The following DSCAM variants were observed in gnomAD, a reference collection of about 807,000 sequenced individuals.
DSCAM encodes cell adhesion molecule DSCAM.
Under a neutral mutation model 217.7 loss-of-function variants are expected in DSCAM, and 47 were observed. That is an observed-to-expected ratio of 0.22 (90% CI 0.17 to 0.28). DSCAM has a LOEUF of 0.28. DSCAM is among the 10% of genes least tolerant of loss of function. DSCAM has a pLI of 1.00. For synonymous variants in DSCAM, 1,056 were observed against 1,015.3 expected (o/e 1.04, Z -0.76); for missense variants, 2,080 against 2,618.3 (o/e 0.79, Z 4.49).
intron 1 of DSCAM, among the ~76,000 whole-genome samples, chr21:40,757,116 C>T (rs897165452): frequency 2.0e-5 from 3 of 152,192 alleles, no homozygotes; most frequent in Admixed American, 6.5e-5. Flanking sequence ...GCTCCACCTC[C>T]GGGGTTCACA....
chr21:40,518,563 CACAT>C (rs1368114189), intron 3 of DSCAM, among the ~76,000 whole-genome samples: 1 of 79,000 alleles, frequency 1.3e-5, no homozygotes, highest in Non-Finnish European at 2.1e-5. Flanking sequence ...TATACACACA[CACAT>C]ATATACATAC....
chr21:40,058,606 C>T (rs186229485), intron 28 of DSCAM, among the ~76,000 whole-genome samples: 3 of 152,182 alleles, frequency 2.0e-5, no homozygotes, highest in African/African-American at 7.2e-5. Context: ...GTGAGATGTC[C>T]CCAAGACTTT....
At chr21:40,163,333 ATTCT>A (rs1327192804) in intron 16 of DSCAM, among the ~76,000 whole-genome samples, 2 of 152,224 alleles carry the variant, frequency 1.3e-5, no homozygotes, top group African/African-American at 4.8e-5. Flanking sequence ...AGCTTTAAAT[ATTCT>A]TTCTGATTTT....
At chr21:40,622,621 G>A (rs762582855) in intron 3 of DSCAM, among the ~76,000 whole-genome samples, 1 of 152,096 alleles carries the variant, frequency 6.6e-6, no homozygotes, top group East Asian at 1.9e-4. Context: ...ATGTTCATTT[G>A]TACATCTGCA....
chr21:40,692,162 T>C (rs8132311), intron 3 of DSCAM, among the ~76,000 whole-genome samples: 60,125 of 152,162 alleles, frequency 0.4, 13,765 homozygotes, highest in African/African-American at 0.64. Flanking sequence ...AGGAGCACCA[T>C]GCATCACGCG....
At chr21:40,121,595 G>C (rs1323431856) in intron 20 of DSCAM, among the ~76,000 whole-genome samples, 1 of 150,714 alleles carries the variant, frequency 6.6e-6, no homozygotes, top group African/African-American at 2.4e-5. Flanking sequence ...TTTTTAATAT[G>C]GTCAAAAGGC....
At chr21:40,502,424 T>C (rs1208399275) in intron 3 of DSCAM, among the ~76,000 whole-genome samples, 1 of 152,148 alleles carries the variant, frequency 6.6e-6, no homozygotes, top group Non-Finnish European at 1.5e-5. Flanking sequence ...AATACCAAGG[T>C]ATTATCTATA....
chr21:40,752,194 T>C (rs1481011395), intron 1 of DSCAM, among the ~76,000 whole-genome samples: 1 of 152,218 alleles, frequency 6.6e-6, no homozygotes, highest in African/African-American at 2.4e-5. Context: ...AAGCTTTGTA[T>C]CCAGAAAGGA....
intron 15 of DSCAM, among the ~76,000 whole-genome samples, chr21:40,177,094 A>G (rs1336863899): frequency 6.6e-6 from 1 of 152,232 alleles, no homozygotes; most frequent in Non-Finnish European, 1.5e-5. Flanking sequence ...CAGAGATGAC[A>G]TTTTGGGCTG....
intron 3 of DSCAM, among the ~76,000 whole-genome samples, chr21:40,664,533 A>G (rs931591158): frequency 1.3e-5 from 2 of 152,228 alleles, no homozygotes; most frequent in Non-Finnish European, 2.9e-5. Context: ...CAACAAGGAA[A>G]GTCAGCTGTG....
intron 11 of DSCAM, among the ~76,000 whole-genome samples, chr21:40,214,735 C>CAAAAAAAAAAAAAAAAACAAAAAAAAA (rs2091224904): frequency 1.5e-5 from 1 of 67,860 alleles, no homozygotes; most frequent in Non-Finnish European, 3.8e-5. Flanking sequence ...GCAACAACAG[C>CAAAAAAAAAAAAAAAAACAAAAAAAAA]AAAAAAAAAA....
intron 11 of DSCAM, among the ~76,000 whole-genome samples, chr21:40,212,116 T>G (rs1005060025): frequency 1.3e-5 from 2 of 151,980 alleles, no homozygotes; most frequent in Non-Finnish European, 2.9e-5. Context: ...ATTATAGGCG[T>G]GCACCACCAC....
At chr21:40,653,943 A>T (rs1443117396) in intron 3 of DSCAM, among the ~76,000 whole-genome samples, 1 of 151,808 alleles carries the variant, frequency 6.6e-6, no homozygotes, top group African/African-American at 2.4e-5. Flanking sequence ...AAAACTATAA[A>T]AACTAGCCAG....
intron 11 of DSCAM, among the ~76,000 whole-genome samples, chr21:40,243,365 AGACT>A (rs2073179048): frequency 6.6e-6 from 1 of 152,244 alleles, no homozygotes; most frequent in South Asian, 2.1e-4. Context: ...AAAAAAGCAC[AGACT>A]GTCTTCTTAA....
At chr21:40,118,931 T>C (rs1443811429) in intron 20 of DSCAM, among the ~76,000 whole-genome samples, 1 of 152,220 alleles carries the variant, frequency 6.6e-6, no homozygotes, top group Admixed American at 6.5e-5. Context: ...GGTTAAGACA[T>C]GGACCAGAAT....
chr21:40,524,410 A>G (rs1028780834), intron 3 of DSCAM, among the ~76,000 whole-genome samples: 3 of 152,104 alleles, frequency 2.0e-5, no homozygotes, highest in Non-Finnish European at 1.5e-5. Flanking sequence ...GTAATTTAAA[A>G]TATTAGATAT....
chr21:40,408,787 G>A (rs567559681), intron 3 of DSCAM, among the ~76,000 whole-genome samples: 8 of 152,316 alleles, frequency 5.3e-5, no homozygotes, highest in Non-Finnish European at 1.2e-4. Flanking sequence ...GTGCAGTGCA[G>A]TCACTGTGTG....
intron 4 of DSCAM, among the ~76,000 whole-genome samples, chr21:40,364,874 C>T: frequency 6.7e-6 from 1 of 149,128 alleles, no homozygotes; most frequent in Non-Finnish European, 1.5e-5. Flanking sequence ...ATAATTATTT[C>T]AGTTGTATAA....
chr21:40,041,773 C>T (rs1470379207), intron 32 of DSCAM, among the ~76,000 whole-genome samples: 1 of 152,184 alleles, frequency 6.6e-6, no homozygotes, highest in Admixed American at 6.5e-5. Context: ...GTCCCAAACA[C>T]TGACTATATA....
Sources: allele counts gnomAD v4.1 joint callset (sites outside exome capture counted in the v4.1 genomes callset), GRCh38; gene constraint gnomAD v4.1.1; transcripts MANE v1.5; gene names NCBI Gene and HGNC (gene_info 2026-07-23, HGNC 2026-07-21).